FRMD4A: variants seen among roughly 807,000 people sequenced by gnomAD.
FRMD4A encodes the protein FERM domain containing 4A.
FRMD4A carries 29 observed loss-of-function variants against 129.1 expected under a neutral mutation model. The observed-to-expected ratio is 0.22, with a 90% CI of 0.17 to 0.31. The LOEUF (loss-of-function observed/expected upper bound fraction) is 0.31. FRMD4A is among the 10% of genes least tolerant of loss of function. The pLI, the probability that FRMD4A is intolerant of heterozygous loss-of-function variation, is 1.00. For synonymous variants in FRMD4A, 634 were observed against 571.6 expected, an observed-to-expected ratio of 1.11 and a Z score of -1.56; for missense variants, 1,272 against 1,375.8, an observed-to-expected ratio of 0.92 and a Z score of 1.19.
intron 3 of FRMD4A, among the ~76,000 whole-genome samples, chr10:13,856,354 T>C (rs1167017535): frequency 6.6e-6 from 1 of 151,974 alleles, no homozygotes. Context: ...CATTCTTTCA[T>C]TCAACAAGTC....
chr10:14,006,764 A>G (rs975345574), intron 2 of FRMD4A, among the ~76,000 whole-genome samples: 6 of 152,226 alleles, frequency 3.9e-5, no homozygotes, highest in Non-Finnish European at 5.9e-5. Flanking sequence ...ACTCAATAGC[A>G]GCCTGATCAA....
intron 2 of FRMD4A, among the ~76,000 whole-genome samples, chr10:14,117,922 C>T (rs1005556480): frequency 6.6e-6 from 1 of 151,968 alleles, no homozygotes; most frequent in African/African-American, 2.4e-5. Flanking sequence ...TTTATCTGTC[C>T]CTAGAAAGTA....
chr10:14,203,776 G>A (rs1842705550), intron 2 of FRMD4A, among the ~76,000 whole-genome samples: 1 of 152,178 alleles, frequency 6.6e-6, no homozygotes, highest in Admixed American at 6.5e-5. Flanking sequence ...GCTCTATCCT[G>A]ACTTGCTATC....
chr10:14,252,322 AC>A (rs1445155249), intron 2 of FRMD4A, among the ~76,000 whole-genome samples: 1 of 152,252 alleles, frequency 6.6e-6, no homozygotes, highest in Non-Finnish European at 1.5e-5. Context: ...CATCTAATCT[AC>A]ATATCTTGAG....
intron 8 of FRMD4A, among the ~76,000 whole-genome samples, chr10:13,758,704 C>T (rs757188314): frequency 5.3e-5 from 8 of 152,096 alleles, no homozygotes; most frequent in African/African-American, 1.4e-4. Context: ...GCCTTCTTTT[C>T]GCTTAATAAT....
intron 2 of FRMD4A, among the ~76,000 whole-genome samples, chr10:14,322,134 A>ATC (rs1376695019): frequency 2.0e-5 from 3 of 152,144 alleles, no homozygotes; most frequent in Non-Finnish European, 4.4e-5. Context: ...CTTTATAGCA[A>ATC]TGCAAGAATG....
intron 3 of FRMD4A, among the ~76,000 whole-genome samples, chr10:13,838,003 T>C (rs1249374722): frequency 1.3e-5 from 2 of 152,170 alleles, no homozygotes; most frequent in African/African-American, 4.8e-5. Context: ...TTCCTTTCCA[T>C]GAAAAACAGG....
intron 15 of FRMD4A, among the ~76,000 whole-genome samples, chr10:13,682,535 T>C (rs2084703179): frequency 6.7e-6 from 1 of 149,664 alleles, no homozygotes; most frequent in African/African-American, 2.5e-5. Context: ...GAGTCTCGCT[T>C]TGTCACCAAA....
chr10:14,223,926 C>T (rs1197578931), intron 2 of FRMD4A, among the ~76,000 whole-genome samples: 1 of 152,156 alleles, frequency 6.6e-6, no homozygotes, highest in Non-Finnish European at 1.5e-5. Context: ...TTAACTCTTT[C>T]CTGCTAAGCA....
At chr10:13,797,401 G>C (rs2093143503) in intron 4 of FRMD4A, among the ~76,000 whole-genome samples, 1 of 152,196 alleles carries the variant, frequency 6.6e-6, no homozygotes, top group African/African-American at 2.4e-5. Context: ...GGAAGGCTGA[G>C]GCAAGAGATC....
chr10:14,123,345 C>G (rs1228505629), intron 2 of FRMD4A, among the ~76,000 whole-genome samples: 1 of 152,174 alleles, frequency 6.6e-6, no homozygotes, highest in African/African-American at 2.4e-5. Context: ...AGCAGTATTC[C>G]TTCATGCCAG....
At chr10:13,828,940 GATATAATGATT>G (rs2093747027) in intron 3 of FRMD4A, among the ~76,000 whole-genome samples, 1 of 152,126 alleles carries the variant, frequency 6.6e-6, no homozygotes, top group African/African-American at 2.4e-5. Context: ...GTATCTTTTT[GATATAATGATT>G]TATCTTCCTT....
chr10:13,768,082 G>GTA (rs1381256204), intron 6 of FRMD4A, among the ~76,000 whole-genome samples: 8 of 148,452 alleles, frequency 5.4e-5, no homozygotes, highest in African/African-American at 2.0e-4. Context: ...CTGCAGGTAT[G>GTA]TGTGTGTGTG....
chr10:14,067,698 T>A (rs759025213), intron 2 of FRMD4A, among the ~76,000 whole-genome samples: 1 of 152,126 alleles, frequency 6.6e-6, no homozygotes, highest in African/African-American at 2.4e-5. Context: ...ATGCCCGTAG[T>A]CCCAGCTACT....
At chr10:13,755,384 C>G (rs895360315) in intron 8 of FRMD4A, among the ~76,000 whole-genome samples, 1 of 152,104 alleles carries the variant, frequency 6.6e-6, no homozygotes, top group African/African-American at 2.4e-5. Context: ...AAGAGAAAAC[C>G]AAGAAGGCAC....
intron 2 of FRMD4A, among the ~76,000 whole-genome samples, chr10:13,920,279 TA>T (rs1167227160): frequency 6.6e-6 from 1 of 152,252 alleles, no homozygotes; most frequent in Non-Finnish European, 1.5e-5. Context: ...ACTTTGGAGC[TA>T]CTGACTCAAT....
intron 5 of FRMD4A, among the ~76,000 whole-genome samples, chr10:13,791,309 C>T (rs1246396964): frequency 6.6e-6 from 1 of 152,158 alleles, no homozygotes; most frequent in African/African-American, 2.4e-5. Flanking sequence ...ATATGATGAT[C>T]TGTGTGGGGT....
intron 2 of FRMD4A, among the ~76,000 whole-genome samples, chr10:13,869,864 G>A (rs951893113): frequency 3.9e-5 from 6 of 152,170 alleles, no homozygotes; most frequent in Admixed American, 6.5e-5. Context: ...TTATTCACAA[G>A]CCCTCATTTA....
At chr10:13,792,034 G>A (rs1235058045) in intron 5 of FRMD4A, among the ~76,000 whole-genome samples, 1 of 152,146 alleles carries the variant, frequency 6.6e-6, no homozygotes, top group Non-Finnish European at 1.5e-5. Context: ...TCCTCCTCCA[G>A]TGTGGTATTT....
Sources: gnomAD v4.1 joint callset for allele counts (sites outside exome capture counted in the v4.1 genomes callset) on GRCh38, gnomAD v4.1.1 for gene constraint, MANE v1.5 for transcripts, NCBI Gene and HGNC (gene_info 2026-07-23, HGNC 2026-07-21) for gene names.